TLN2: variants seen among roughly 807,000 people sequenced by gnomAD.
The protein encoded by TLN2 is talin 2, also known as talin-2.
TLN2 carries 118 observed loss-of-function variants against 294.7 expected under a neutral mutation model. The observed-to-expected ratio is 0.40, with a 90% confidence interval of 0.34 to 0.47. The LOEUF is 0.47. TLN2 is among the 20% of genes least tolerant of loss of function. The probability of loss-of-function intolerance (pLI) is 0.84; values close to 1 mark genes in which losing one functional copy is unlikely to be tolerated. For missense variants in TLN2, 3,083 were observed against 3,282.2 expected, an observed-to-expected ratio of 0.94 and a Z score of 1.48; for synonymous variants, 1,431 against 1,304.5, an observed-to-expected ratio of 1.10 and a Z score of -2.09.
At chr15:62,736,295 G>A (rs2061006732) in intron 28 of TLN2, among the ~76,000 whole-genome samples, 1 of 151,534 alleles carries the variant, frequency 6.6e-6, no homozygotes, top group African/African-American at 2.4e-5. Flanking sequence ...ACTCCAGCCT[G>A]GGCGACAGAG....
chr15:62,426,275 A>T (rs1041601225), intron 1 of TLN2, among the ~76,000 whole-genome samples: 4 of 152,188 alleles, frequency 2.6e-5, no homozygotes, highest in African/African-American at 9.6e-5. Context: ...GTAAAGGTTT[A>T]TCTTTTTCCC....
At chr15:62,502,928 G>A (rs1235911670) in intron 1 of TLN2, among the ~76,000 whole-genome samples, 1 of 152,206 alleles carries the variant, frequency 6.6e-6, no homozygotes, top group Non-Finnish European at 1.5e-5. Context: ...CCAGAGGTGG[G>A]TTGGAGGAAA....
Position 62,763,819 on chromosome 15 carries a change from G to A in TLN2, c.5094+124G>A, listed in dbSNP as rs192399290. 1,581 of 1,363,628 alleles carry A rather than the reference G, an allele frequency of 1.2e-3. 2 individuals carry two copies. The highest frequency in any genetic ancestry group is 4.0e-3 in the Middle Eastern group (20 of 5,062). The allele number at this position is 1,363,628 out of a possible 1,614,324, so 84.5% of individuals were successfully genotyped here. On this transcript the variant is annotated intron_variant, in intron 40 of 58. Transcript: ENST00000636159. ...TTCTGTTGCTGGAGTTTCACCATTA[G>A]ACAGCCATTCTCTGTGGAGCCAATC...
At chr15:62,544,278 C>G (rs1319928223) in intron 1 of TLN2, among the ~76,000 whole-genome samples, 1 of 152,172 alleles carries the variant, frequency 6.6e-6, no homozygotes, top group Non-Finnish European at 1.5e-5. Context: ...AGTTCAGTGC[C>G]TCTTCCCTAG....
At chr15:62,643,280 A>C (rs1370676720) in intron 3 of TLN2, among the ~76,000 whole-genome samples, 1 of 152,058 alleles carries the variant, frequency 6.6e-6, no homozygotes, top group Admixed American at 6.5e-5. Context: ...TGTTGGCCTT[A>C]TCTCAAGCTT....
chr15:62,526,836 C>G (rs1427336639), intron 1 of TLN2, among the ~76,000 whole-genome samples: 1 of 152,062 alleles, frequency 6.6e-6, no homozygotes, highest in Non-Finnish European at 1.5e-5. Flanking sequence ...TCTCAGGGTC[C>G]TTATCCTATG....
At chr15:62,447,873 G>T (rs981466026) in intron 1 of TLN2, among the ~76,000 whole-genome samples, 3 of 152,142 alleles carry the variant, frequency 2.0e-5, no homozygotes, top group Non-Finnish European at 4.4e-5. Flanking sequence ...TTTTGTTCCT[G>T]CTATGTCCCA....
In TLN2 at chr15:62,840,567, A is replaced by C; in HGVS notation, c.7586A>C (p.Gln2529Pro). The stretch of plus-strand genomic sequence containing the variant: ...AAACTGGCCCAAATCCGCCAGCAGC[A>C]GTATAAGTTTTTACCCACCGAGCTG... ...RKKLAQIRQQ[Q>P]YKFLPTELRE... Residue 2529 changes from glutamine to proline, a missense_variant, in exon 59 of 59, where the codon CAG (glutamine) becomes CCG (proline). By Grantham distance (76) the Gln-to-Pro change is moderately conservative. Coordinates refer to ENST00000636159, the MANE Select transcript of TLN2 (RefSeq NM_015059.3). 6.2e-7 allele frequency: 1 copy of C among 1,614,200 alleles called. No individual in the cohort carries two copies. Among genetic ancestry groups the C allele is most frequent in the Non-Finnish European group, 8.5e-7 (1 of 1,180,030 alleles).
At chr15:62,641,284 T>A (rs984935222) in intron 3 of TLN2, among the ~76,000 whole-genome samples, 1 of 152,120 alleles carries the variant, frequency 6.6e-6, no homozygotes, top group Non-Finnish European at 1.5e-5. Context: ...GCTGCTTCCA[T>A]TGTTTGTGCA....
chr15:62,575,529 A>G (rs1251251376), intron 1 of TLN2, among the ~76,000 whole-genome samples: 3 of 152,208 alleles, frequency 2.0e-5, no homozygotes, highest in Admixed American at 1.3e-4. Context: ...TGGTGAAGGC[A>G]GACCACCTCT....
chr15:62,722,949 A>G (rs2060234898), intron 26 of TLN2, among the ~76,000 whole-genome samples: 1 of 152,190 alleles, frequency 6.6e-6, no homozygotes, highest in Admixed American at 6.5e-5. Flanking sequence ...TTGCCCTGCA[A>G]AGTTTTCACT....
chr15:62,468,489 T>TAAC (rs1171421481), intron 1 of TLN2, among the ~76,000 whole-genome samples: 1 of 152,212 alleles, frequency 6.6e-6, no homozygotes, highest in East Asian at 1.9e-4. Context: ...CTGATGCCTG[T>TAAC]AATCCCAGCA....
intron 1 of TLN2, among the ~76,000 whole-genome samples, chr15:62,463,640 C>G (rs2036941509): frequency 6.6e-6 from 1 of 152,204 alleles, no homozygotes; most frequent in African/African-American, 2.4e-5. Flanking sequence ...AATCCCAGCA[C>G]TTTGCGACGC....
chr15:62,570,252 G>A (rs760971634), intron 1 of TLN2, among the ~76,000 whole-genome samples: 6 of 152,134 alleles, frequency 3.9e-5, no homozygotes, highest in Non-Finnish European at 8.8e-5. Flanking sequence ...GGTGCCAGGC[G>A]GATCCCTGGC....
intron 37 of TLN2, among the ~76,000 whole-genome samples, chr15:62,756,725 T>C (rs1567537744): frequency 1.3e-5 from 2 of 152,134 alleles, no homozygotes; most frequent in Non-Finnish European, 2.9e-5. Flanking sequence ...ACACCTCATT[T>C]TGTTTTGACT....
chr15:62,427,473 G>T (rs752024754), intron 1 of TLN2, among the ~76,000 whole-genome samples: 3 of 152,184 alleles, frequency 2.0e-5, no homozygotes, highest in Non-Finnish European at 4.4e-5. Context: ...CTTGAAGGTG[G>T]CAGGAAGAGG....
At chr15:62,531,982 A>C (rs533364043) in intron 1 of TLN2, among the ~76,000 whole-genome samples, 2 of 152,184 alleles carry the variant, frequency 1.3e-5, no homozygotes, top group Admixed American at 1.3e-4. Flanking sequence ...CATGGAAAGA[A>C]GAGTCTGAAC....
chr15:62,594,118 A>G (rs915276653), intron 2 of TLN2, among the ~76,000 whole-genome samples: 1 of 152,234 alleles, frequency 6.6e-6, no homozygotes, highest in Non-Finnish European at 1.5e-5. Context: ...CAGCATGGGT[A>G]CTGGTATAAA....
rs1024085274 is a variant in TLN2 at position 62,658,358 on chromosome 15, C to T, written c.788+460C>T. ...CAAGTGTATTGCAGGGAGAGGATAA[C>T]GGAGAGGCTTCTTTGGCCCTTGACC... is the stretch of plus-strand genomic sequence containing the variant. On this transcript the variant is annotated intron_variant, in intron 9 of 58. Transcript: ENST00000636159. Among the ~76,000 whole-genome samples, 15 of 152,216 alleles carry T rather than the reference C, an allele frequency of 9.9e-5. No homozygotes were observed. In the East Asian group the frequency reaches 1.7e-3, roughly 18 times the overall value.
Sources: allele counts gnomAD v4.1 joint callset (sites outside exome capture counted in the v4.1 genomes callset), GRCh38; gene constraint gnomAD v4.1.1; transcripts MANE v1.5; gene names NCBI Gene and HGNC (gene_info 2026-07-23, HGNC 2026-07-21).